Variants in IL34 observed in about 807,000 individuals in gnomAD.
IL34 encodes the protein interleukin-34.
Under a neutral mutation model 25.3 loss-of-function variants are expected in IL34, and 17 were observed. That is an observed-to-expected ratio of 0.67 (90% CI 0.46 to 1.01). The LOEUF (loss-of-function observed/expected upper bound fraction) is 1.01. Among genes scored for constraint, IL34 ranks in the 50% least tolerant of loss-of-function variants. IL34 has a pLI of 0.00. For synonymous variants in IL34, 174 were observed against 140.9 expected (o/e 1.23, Z -1.66); for missense variants, 368 against 312.9 (o/e 1.18, Z -1.33).
chr16:70,631,745 A>G (rs2051522656), intron 1 of IL34, among the ~76,000 whole-genome samples: 1 of 152,184 alleles, frequency 6.6e-6, no homozygotes, highest in Admixed American at 6.5e-5. Flanking sequence ...GCAGGTATAC[A>G]CTGGGCGGGA....
intron 1 of IL34, among the ~76,000 whole-genome samples, chr16:70,610,192 A>C: frequency 6.7e-6 from 1 of 148,496 alleles, no homozygotes. Flanking sequence ...AAAGAGCGAG[A>C]CTCTATCTCA....
chr16:70,657,225 C>T (rs572007232), intron 4 of IL34, 104 bp downstream of exon 4: 65 of 1,186,414 alleles, frequency 5.5e-5, no homozygotes, highest in South Asian at 7.5e-5. Context: ...GGTGAATACA[C>T]GGAAAGATGG....
chr16:70,613,879 A>T (rs2051131612), intron 1 of IL34, among the ~76,000 whole-genome samples: 1 of 147,640 alleles, frequency 6.8e-6, no homozygotes, highest in South Asian at 2.2e-4. Context: ...GTCTCAGGAA[A>T]AAAAAAAAGA....
intron 1 of IL34, among the ~76,000 whole-genome samples, chr16:70,624,294 C>G (rs575050290): frequency 6.6e-6 from 1 of 151,994 alleles, no homozygotes; most frequent in Non-Finnish European, 1.5e-5. Flanking sequence ...TGCTGTGGTT[C>G]AGGCATTTGG....
chr16:70,619,409 G>C (rs1371338405), intron 1 of IL34, among the ~76,000 whole-genome samples: 1 of 152,166 alleles, frequency 6.6e-6, no homozygotes, highest in African/African-American at 2.4e-5. Context: ...CAGGGAAGCA[G>C]ATAATTTAGT....
intron 4 of IL34, among the ~76,000 whole-genome samples, chr16:70,658,362 G>A (rs571378293): frequency 1.8e-4 from 28 of 152,154 alleles, no homozygotes; most frequent in African/African-American, 6.5e-4. Context: ...TTAGAGATGG[G>A]GGTCTCGCTA....
chr16:70,600,110 C>T (rs1014621734), intron 1 of IL34, among the ~76,000 whole-genome samples: 2 of 152,268 alleles, frequency 1.3e-5, no homozygotes, highest in Middle Eastern at 3.4e-3. Flanking sequence ...TGAGTGTCTG[C>T]TATGTGAGCT....
At chr16:70,632,240 T>C (rs2051536326) in intron 1 of IL34, among the ~76,000 whole-genome samples, 1 of 152,220 alleles carries the variant, frequency 6.6e-6, no homozygotes, top group African/African-American at 2.4e-5. Context: ...GAGATCATGC[T>C]GTAGGGATTG....
Position 70,660,420 on chromosome 16 carries a change from T to TG in IL34, c.*237dup, listed in dbSNP as rs146279999. On this transcript the variant is annotated 3_prime_UTR_variant, in exon 6 of 6. Transcript: ENST00000288098. ...GGGGACCTGGGGACCTGAAGGTGGA[T>TG]GGGGACACAGCTCCTGGCTTCTCCT... is the stretch of plus-strand genomic sequence containing the variant. The TG allele has an allele frequency of 2.4e-3, 1,110 of 471,226 alleles. 13 individuals carry two copies. The highest frequency in any genetic ancestry group is 0.019 in the African/African-American group (958 of 50,474). 29.2% of individuals were successfully genotyped at this position (471,226 alleles called of 1,614,324 possible). A position where few individuals can be genotyped will look rare whatever the true frequency, so the allele number is the denominator to read the frequency against.
rs1295690633 is a variant in IL34, at chr16:70,659,719, C to T, written c.504C>T (p.Cys168=). The T allele has an allele frequency of 6.2e-7, 1 of 1,608,590 alleles. No homozygotes were observed. Among genetic ancestry groups the T allele is most frequent in the South Asian group, 1.1e-5 (1 of 90,618 alleles). ...LVRPKALLDN[C]FRVMELLYCS... is the part of the protein sequence containing the mutation. ...GGCCCAAAGCCCTGCTGGACAACTGCTTCCGGGTCATGGAGCTGCTGTACT... is the reference window on the plus strand; with the variant it reads ...GGCCCAAAGCCCTGCTGGACAACTGTTTCCGGGTCATGGAGCTGCTGTACT... The change falls in exon 5 of 6, where the codon TGC becomes TGT. Residue 168 remains cysteine, a synonymous_variant. Transcript: ENST00000288098.
At chr16:70,653,160 C>T (rs2052122941) in intron 1 of IL34, among the ~76,000 whole-genome samples, 1 of 151,900 alleles carries the variant, frequency 6.6e-6, no homozygotes, top group African/African-American at 2.4e-5. Context: ...TTACGGTGAG[C>T]TGAGATTGTG....
chr16:70,606,083 T>G (rs1471620868), intron 1 of IL34, among the ~76,000 whole-genome samples: 1 of 150,868 alleles, frequency 6.6e-6, no homozygotes. Flanking sequence ...TGCACAAAAG[T>G]GCATACTTGA....
At chr16:70,652,100 C>T (rs952013457) in intron 1 of IL34, among the ~76,000 whole-genome samples, 1 of 150,710 alleles carries the variant, frequency 6.6e-6, no homozygotes, top group Non-Finnish European at 1.5e-5. Context: ...GGCACTCCAG[C>T]CTGGGTGACA....
intron 1 of IL34, among the ~76,000 whole-genome samples, chr16:70,622,483 G>A (rs577075474): frequency 1.5e-3 from 235 of 151,914 alleles, no homozygotes; most frequent in African/African-American, 5.4e-3. Context: ...GCGGGCTAGT[G>A]GCTTGTACTA....
In IL34 at chr16:70,636,902, C is replaced by T. The variant is rs558806788; in HGVS notation, c.-400-9646C>T. ...ATTTTATTTTATTTTTTTTTTGAGA[C>T]GGGGTTTCGTTCTGTCGCCCAGGTT... On this transcript the variant is annotated intron_variant, in intron 1 of 6. Transcript: ENST00000429149. Among the ~76,000 whole-genome samples the T allele has an allele frequency of 7.3e-5, 11 of 150,316 alleles. No individual in the cohort carries two copies. The East Asian group carries it at 2.0e-3, about 27-fold the overall frequency.
chr16:70,601,052 T>A (rs2050908690), intron 1 of IL34, among the ~76,000 whole-genome samples: 1 of 151,298 alleles, frequency 6.6e-6, no homozygotes, highest in South Asian at 2.1e-4. Flanking sequence ...AAGTAGGGGA[T>A]GCTGGGAGAA....
intron 1 of IL34, among the ~76,000 whole-genome samples, chr16:70,620,748 A>G (rs1408826922): frequency 1.3e-5 from 2 of 152,190 alleles, no homozygotes; most frequent in Non-Finnish European, 2.9e-5. Flanking sequence ...GGAAAAATTC[A>G]AAGTGCTATT....
At chr16:70,620,825 C>T (rs34878593) in intron 1 of IL34, among the ~76,000 whole-genome samples, 59,362 of 151,810 alleles carry the variant, frequency 0.39, 12,274 homozygotes, top group South Asian at 0.62. Context: ...AGAAAAGGCA[C>T]TTAGGTTTTA....
intron 1 of IL34, among the ~76,000 whole-genome samples, chr16:70,620,122 T>C (rs976510132): frequency 6.6e-6 from 1 of 152,158 alleles, no homozygotes; most frequent in Non-Finnish European, 1.5e-5. Context: ...GGCTGGAATT[T>C]AATTTTTGGA....
Sources: allele counts gnomAD v4.1 joint callset (sites outside exome capture counted in the v4.1 genomes callset), GRCh38; gene constraint gnomAD v4.1.1; transcripts MANE v1.5; gene names NCBI Gene and HGNC (gene_info 2026-07-23, HGNC 2026-07-21).